Variants in WASF1 observed in about 807,000 individuals in gnomAD.
WASF1 encodes the protein WASP family member 1.
In WASF1, 7 loss-of-function variants were observed where a neutral mutation model predicts 50.5. The ratio of observed to expected loss-of-function variants is 0.14; its 90% confidence interval spans 0.08 to 0.26. The LOEUF is 0.26. Among genes scored for constraint, WASF1 ranks in the 10% least tolerant of loss-of-function variants. The pLI, the probability that WASF1 is intolerant of heterozygous loss-of-function variation, is 1.00. For missense variants in WASF1, 470 were observed against 694.7 expected, an observed-to-expected ratio of 0.68 and a Z score of 3.64; for synonymous variants, 205 against 244.0, an observed-to-expected ratio of 0.84 and a Z score of 1.49.
chr6:110,118,362 A>AGC (rs1773910708), intron 4 of WASF1, among the ~76,000 whole-genome samples: 1 of 145,216 alleles, frequency 6.9e-6, no homozygotes, highest in African/African-American at 2.5e-5. Flanking sequence ...AAAAAAAAAA[A>AGC]AAAAAAAAAA....
intron 10 of WASF1, 89 bp from the exon 11 acceptor site, chr6:110,100,768 T>C: frequency 7.9e-7 from 1 of 1,260,156 alleles, no homozygotes; most frequent in Non-Finnish European, 1.0e-6. Context: ...CAAATACACA[T>C]GAGAAATACT....
intron 3 of WASF1, among the ~76,000 whole-genome samples, chr6:110,143,665 C>T (rs185242200): frequency 1.3e-5 from 2 of 152,010 alleles, no homozygotes; most frequent in Non-Finnish European, 2.9e-5. Flanking sequence ...ATTACATTAA[C>T]AGTTAATAAT....
chr6:110,166,455 C>G (rs1386663204), intron 2 of WASF1, among the ~76,000 whole-genome samples: 2 of 151,662 alleles, frequency 1.3e-5, no homozygotes. Context: ...GAGCAAGGCT[C>G]AAAAAATGAC....
intron 3 of WASF1, among the ~76,000 whole-genome samples, chr6:110,138,913 C>T (rs1162524313): frequency 6.6e-6 from 1 of 152,178 alleles, no homozygotes; most frequent in African/African-American, 2.4e-5. Context: ...CACTTGGGAC[C>T]CACCCTTTTC....
At chr6:110,159,452 G>A (rs970720586) in intron 3 of WASF1, among the ~76,000 whole-genome samples, 1 of 151,644 alleles carries the variant, frequency 6.6e-6, no homozygotes, top group Non-Finnish European at 1.5e-5. Flanking sequence ...GAAGTGAAGT[G>A]ACATTACAAT....
intron 4 of WASF1, among the ~76,000 whole-genome samples, chr6:110,116,729 G>A (rs148889499): frequency 0.028 from 4,269 of 152,230 alleles, 98 homozygotes; most frequent in East Asian, 0.12. Context: ...CCTCAAGTGG[G>A]TCCCTGACCC....
At chr6:110,140,935 A>G (rs1460996922) in intron 3 of WASF1, among the ~76,000 whole-genome samples, 1 of 152,230 alleles carries the variant, frequency 6.6e-6, no homozygotes, top group African/African-American at 2.4e-5. Context: ...AAGCATATAC[A>G]GTGTGGATAT....
At chr6:110,150,267 TG>T (rs1775765682) in intron 3 of WASF1, among the ~76,000 whole-genome samples, 1 of 152,096 alleles carries the variant, frequency 6.6e-6, no homozygotes, top group Admixed American at 6.5e-5. Context: ...AGCAAAAATA[TG>T]TAACAGAAAA....
At chr6:110,133,001 AC>A (rs1184520827) in intron 3 of WASF1, among the ~76,000 whole-genome samples, 1 of 148,278 alleles carries the variant, frequency 6.7e-6, no homozygotes, top group Non-Finnish European at 1.5e-5. Flanking sequence ...GGAATACTAC[AC>A]AGCCATAAAA....
At chr6:110,119,159 C>G in intron 4 of WASF1, among the ~76,000 whole-genome samples, 1 of 152,128 alleles carries the variant, frequency 6.6e-6, no homozygotes, top group South Asian at 2.1e-4. Flanking sequence ...CAAACATGTT[C>G]GAAAGCTAGC....
At chr6:110,145,671 G>T (rs550009317) in intron 3 of WASF1, among the ~76,000 whole-genome samples, 22 of 152,130 alleles carry the variant, frequency 1.4e-4, no homozygotes, top group African/African-American at 5.1e-4. Flanking sequence ...TAGCATGAAG[G>T]GTTGCTGAAT....
intron 3 of WASF1, among the ~76,000 whole-genome samples, chr6:110,143,747 T>A (rs1314571548): frequency 6.6e-6 from 1 of 152,228 alleles, no homozygotes; most frequent in Admixed American, 6.5e-5. Flanking sequence ...AAGTGATTAA[T>A]TCTTTACATT....
rs1479582275 is a variant in WASF1, at chr6:110,109,576, G to C, written c.269-895C>G. 1.4e-4 allele frequency among the ~76,000 whole-genome samples: 20 copies of C among 142,668 alleles called. 1 individual carries two copies. The highest frequency in any genetic ancestry group is 4.2e-4 in the African/African-American group (16 of 38,018). 93.6% of individuals were successfully genotyped at this position (142,668 alleles called of 152,430 possible). A position where few individuals can be genotyped will look rare whatever the true frequency, so the allele number is the denominator to read the frequency against. ...TCTTTTTTTTTTTTTTTTTGAGACA[G>C]AGTCTCGCTGTGTCACCCAGGCTGG... On this transcript the variant is annotated intron_variant, in intron 5 of 10. Coordinates refer to ENST00000392589, the MANE Select transcript of WASF1 (RefSeq NM_003931.3).
chr6:110,144,515 G>A (rs2114562507), intron 3 of WASF1, among the ~76,000 whole-genome samples: 1 of 152,302 alleles, frequency 6.6e-6, no homozygotes, highest in East Asian at 1.9e-4. Context: ...TGCTTTTGGT[G>A]TTTTAGACAT....
At chr6:110,176,281 T>C (rs1425368282) in intron 2 of WASF1, among the ~76,000 whole-genome samples, 2 of 152,176 alleles carry the variant, frequency 1.3e-5, no homozygotes, top group East Asian at 3.9e-4. Context: ...ACTATTTCAC[T>C]AGAAAACGTA....
At chr6:110,125,489 T>C (rs1774378585) in intron 4 of WASF1, among the ~76,000 whole-genome samples, 1 of 152,192 alleles carries the variant, frequency 6.6e-6, no homozygotes, top group African/African-American at 2.4e-5. Context: ...ATCAAATCTG[T>C]TTGAACTATC....
chr6:110,108,480 C>G, intron 6 of WASF1, 48 bp downstream of exon 6: 5 of 1,523,640 alleles, frequency 3.3e-6, no homozygotes, highest in Non-Finnish European at 4.5e-6. Context: ...GCATTTCAAT[C>G]TGAAGTCTGA....
rs577026362 is a variant in WASF1, at chr6:110,146,674, A to G, written c.-29+13961T>C. ...TATCAGAAACAGAATTTTATAATTT[A>G]CCTTTCCCTAAATCTATAATGCACA... On this transcript the variant is annotated intron_variant, in intron 3 of 10. Transcript: ENST00000392589. 6.3e-4 allele frequency among the ~76,000 whole-genome samples: 96 copies of G among 152,100 alleles called. 2 individuals are homozygous for G. Among genetic ancestry groups the G allele is most frequent in the Non-Finnish European group, 1.5e-4 (10 of 68,006 alleles).
At position 110,101,674 on chromosome 6, in the gene WASF1, A is replaced by T. The variant is rs1562159641; in HGVS notation, c.1436T>A (p.Ile479Lys). Reference protein sequence around the residue: ...LMPPSPPSQVIPASEPKRHPS... With the variant: ...LMPPSPPSQVKPASEPKRHPS... The stretch of plus-strand genomic sequence containing the variant: ...ATGGCGCTTTGGCTCAGAAGCAGGT[A>T]TAACTTGTGATGGAGGAGATGGAGG... The change falls in exon 10 of 11, where the codon ATA (isoleucine) becomes AAA (lysine). Residue 479 changes from isoleucine (I) to lysine (K), a missense_variant. Coordinates refer to ENST00000392589, the MANE Select transcript of WASF1 (RefSeq NM_003931.3). 1 of 1,613,958 alleles carries T rather than the reference A, an allele frequency of 6.2e-7. No individual in the cohort carries two copies. Among genetic ancestry groups the T allele is most frequent in the African/African-American group, 1.3e-5 (1 of 74,918 alleles).
Sources: allele counts gnomAD v4.1 joint callset (sites outside exome capture counted in the v4.1 genomes callset), GRCh38; gene constraint gnomAD v4.1.1; transcripts MANE v1.5; gene names NCBI Gene and HGNC (gene_info 2026-07-23, HGNC 2026-07-21).